The following SAP30BP variants were observed in gnomAD, a reference collection of about 807,000 sequenced individuals.
SAP30BP encodes the protein SAP30 binding protein.
A neutral mutation model predicts 46.3 loss-of-function variants in SAP30BP; 31 were observed. The ratio of observed to expected loss-of-function variants is 0.67; its 90% CI spans 0.50 to 0.90. The LOEUF is 0.90. SAP30BP is among the 40% of genes least tolerant of loss of function. The probability of loss-of-function intolerance (pLI) is 0.00; values close to 1 mark genes in which losing one functional copy is unlikely to be tolerated. For missense variants in SAP30BP, 312 were observed against 391.0 expected, an observed-to-expected ratio of 0.80 and a Z score of 1.70; for synonymous variants, 169 against 144.2, an observed-to-expected ratio of 1.17 and a Z score of -1.23.
intron 9 of SAP30BP, 113 bp downstream of exon 9, chr17:75,704,927 C>A: frequency 1.2e-6 from 1 of 813,888 alleles, no homozygotes; most frequent in Non-Finnish European, 2.1e-6. Context: ...CGTGTCATCA[C>A]CCGGCGATGC....
intron 3 of SAP30BP, among the ~76,000 whole-genome samples, chr17:75,678,413 A>G (rs1044516863): frequency 6.6e-6 from 1 of 152,014 alleles, no homozygotes; most frequent in African/African-American, 2.4e-5. Context: ...TTGTTTAGGG[A>G]ATAATGACAA....
intron 5 of SAP30BP, among the ~76,000 whole-genome samples, chr17:75,700,884 A>G (rs112214323): frequency 0.014 from 2,088 of 152,328 alleles, 44 homozygotes; most frequent in African/African-American, 0.048. Flanking sequence ...GGTGGAAACC[A>G]TGACATTCGA....
chr17:75,689,155 C>CTTT (rs11306586), intron 3 of SAP30BP, among the ~76,000 whole-genome samples: 1 of 133,982 alleles, frequency 7.5e-6, no homozygotes, highest in Non-Finnish European at 1.6e-5. Flanking sequence ...TTCCTTGTAT[C>CTTT]TTTTTTTTTT....
At chr17:75,684,425 A>C (rs1483149478) in intron 3 of SAP30BP, 1 of 152,052 alleles carries the variant, frequency 6.6e-6, no homozygotes, top group Admixed American at 6.6e-5. Context: ...TAATCTTTTG[A>C]GTGCTGATTA....
intron 3 of SAP30BP, among the ~76,000 whole-genome samples, chr17:75,681,162 A>G (rs1024803152): frequency 1.3e-5 from 2 of 152,278 alleles, no homozygotes; most frequent in East Asian, 1.9e-4. Flanking sequence ...TGTGTGTGGT[A>G]TGTGACATGT....
chr17:75,704,996 TCTG>T, intron 9 of SAP30BP, 182 bp downstream of exon 9: 1 of 593,982 alleles, frequency 1.7e-6, no homozygotes, highest in Non-Finnish European at 3.0e-6. Context: ...ACGGCGCTCG[TCTG>T]CTGCTTTTGC....
intron 3 of SAP30BP, among the ~76,000 whole-genome samples, chr17:75,677,270 A>G (rs2060005265): frequency 6.6e-6 from 1 of 150,534 alleles, no homozygotes; most frequent in Non-Finnish European, 1.5e-5. Context: ...ATGGCCGGCT[A>G]ATTTTTGTGT....
chr17:75,679,403 G>T (rs1176837828), intron 3 of SAP30BP: 1 of 152,088 alleles, frequency 6.6e-6, no homozygotes. Flanking sequence ...GAAAGGACTT[G>T]GGCATTATAC....
At chr17:75,703,712 G>T (rs2060450566) in intron 7 of SAP30BP, 96 bp from the exon 8 acceptor site, 1 of 1,121,128 alleles carries the variant, frequency 8.9e-7, no homozygotes, top group African/African-American at 1.5e-5. Context: ...CCGGGTAAGG[G>T]GACCCCAGAC....
At chr17:75,687,537 G>A (rs1479698642) in intron 3 of SAP30BP, among the ~76,000 whole-genome samples, 1 of 151,496 alleles carries the variant, frequency 6.6e-6, no homozygotes, top group African/African-American at 2.4e-5. Flanking sequence ...AATTGCTTGA[G>A]CCCAGGAGGT....
rs2060505687 is a variant in SAP30BP at position 75,706,947 on chromosome 17, G to A, written c.*426G>A. On this transcript the variant is annotated 3_prime_UTR_variant, in exon 11 of 11. Coordinates refer to ENST00000584667, the MANE Select transcript of SAP30BP (RefSeq NM_013260.8). The surrounding 1 kb of genome is among the most constrained non-coding windows in gnomAD (Gnocchi z 4.6). ...GAAGTCACCGTTGTTATCCGTGTAT[G>A]CCTCTGGGCATGGACAGGCGGGAGT... The A allele has an allele frequency of 5.4e-6, 1 of 186,422 alleles. No individual in the cohort carries two copies. The highest frequency in any genetic ancestry group is 1.1e-5 in the Non-Finnish European group (1 of 88,052). 11.5% of individuals were successfully genotyped at this position (186,422 alleles called of 1,614,324 possible). A position where few individuals can be genotyped will look rare whatever the true frequency, so the allele number is the denominator to read the frequency against.
At chr17:75,703,598 G>A (rs756744047) in intron 7 of SAP30BP, 189 of 637,732 alleles carry the variant, frequency 3.0e-4, no homozygotes, top group Non-Finnish European at 4.6e-4. Context: ...GACATGTGTG[G>A]ACCTGCTGCT....
intron 4 of SAP30BP, among the ~76,000 whole-genome samples, chr17:75,699,481 C>T (rs983252171): frequency 6.6e-6 from 1 of 151,280 alleles, no homozygotes; most frequent in Non-Finnish European, 1.5e-5. Flanking sequence ...CGTGAGCCAC[C>T]GCACCCAGCT....
At chr17:75,688,281 G>A (rs927780055) in intron 3 of SAP30BP, among the ~76,000 whole-genome samples, 1 of 152,194 alleles carries the variant, frequency 6.6e-6, no homozygotes, top group Non-Finnish European at 1.5e-5. Context: ...TATTGTGCTC[G>A]TGAAGTGAGA....
At chr17:75,669,582 T>C (rs983875106) in intron 2 of SAP30BP, among the ~76,000 whole-genome samples, 1 of 151,996 alleles carries the variant, frequency 6.6e-6, no homozygotes, top group Non-Finnish European at 1.5e-5. Flanking sequence ...GTAGAGACGT[T>C]GTTTCACTAT....
chr17:75,683,218 AT>A (rs890596498), intron 3 of SAP30BP, among the ~76,000 whole-genome samples: 4 of 149,620 alleles, frequency 2.7e-5, no homozygotes, highest in Admixed American at 6.7e-5. Context: ...CAATTTTTGT[AT>A]TTTTTTTAGT....
intron 3 of SAP30BP, among the ~76,000 whole-genome samples, chr17:75,682,713 C>T (rs1302652853): frequency 4.0e-5 from 6 of 151,834 alleles, no homozygotes; most frequent in Non-Finnish European, 8.8e-5. Flanking sequence ...CCTGTAATCC[C>T]AGCACTTTGG....
intron 3 of SAP30BP, among the ~76,000 whole-genome samples, chr17:75,683,355 T>A (rs979352786): frequency 6.6e-6 from 1 of 151,736 alleles, no homozygotes; most frequent in African/African-American, 2.4e-5. Flanking sequence ...TAAAAAATAA[T>A]AATAATAATA....
chr17:75,703,243 C>G, intron 6 of SAP30BP, 68 bp from the exon 7 acceptor site: 1 of 1,456,054 alleles, frequency 6.9e-7, no homozygotes, highest in Admixed American at 1.7e-5. Context: ...GCCCCAGGAG[C>G]TGGATGGTTC....
Sources: allele counts gnomAD v4.1 joint callset (sites outside exome capture counted in the v4.1 genomes callset), GRCh38; gene constraint gnomAD v4.1.1; non-coding constraint Gnocchi (gnomAD v3.1); transcripts MANE v1.5; gene names NCBI Gene and HGNC (gene_info 2026-07-23, HGNC 2026-07-21).